The following SGSM2 variants were observed in gnomAD, a reference collection of about 807,000 sequenced individuals.
The protein encoded by SGSM2 is RUN and TBC1 domain containing 1.
SGSM2 carries 89 observed loss-of-function variants against 126.6 expected under a neutral mutation model. That is an observed-to-expected ratio of 0.70 (90% confidence interval 0.59 to 0.84). The LOEUF (loss-of-function observed/expected upper bound fraction) is 0.84. Among genes scored for constraint, SGSM2 ranks in the 40% least tolerant of loss-of-function variants. SGSM2 has a pLI of 0.00. For missense variants in SGSM2, 1,404 were observed against 1,416.6 expected, an observed-to-expected ratio of 0.99 and a Z score of 0.14; for synonymous variants, 614 against 574.3, an observed-to-expected ratio of 1.07 and a Z score of -0.99.
At position 2,372,098 on chromosome 17, in the gene SGSM2, C is replaced by A; in HGVS notation, c.1578-92C>A. The A allele has an allele frequency of 1.4e-6, 2 of 1,475,782 alleles. No homozygotes were observed. Among genetic ancestry groups the A allele is most frequent in the Non-Finnish European group, 1.9e-6 (2 of 1,065,710 alleles). The allele number at this position is 1,475,782 out of a possible 1,614,324, so 91.4% of individuals were successfully genotyped here. A position where few individuals can be genotyped will look rare whatever the true frequency, so the allele number is the denominator to read the frequency against. On this transcript the variant is annotated intron_variant, in intron 13 of 23. Coordinates refer to ENST00000268989, the MANE Select transcript of SGSM2 (RefSeq NM_014853.3). This position sits in a 1 kb window ranked among gnomAD's most constrained non-coding sequence, Gnocchi z 6.0. The stretch of plus-strand genomic sequence containing the variant: ...TCCTCGCACCCTCCCCAGTGCCTTA[C>A]CTGCCCCCCAGGACAGAGCCTCCTC...
In SGSM2 at chr17:2,376,758, G is replaced by A; in HGVS notation, c.2635G>A (p.Gly879Ser). The A allele has an allele frequency of 6.2e-7, 1 of 1,614,060 alleles. No individual in the cohort carries two copies. The highest frequency in any genetic ancestry group is 1.1e-5 in the South Asian group (1 of 91,088). Residue 879 changes from glycine (G) to serine (S), a missense_variant, in exon 20 of 24, where the codon GGC becomes AGC. Coordinates refer to ENST00000268989, the MANE Select transcript of SGSM2 (RefSeq NM_014853.3). ...CTACGTGTGGGAGCACCTGGACGTG[G>A]GCTATGTGCAGGGCATGTGCGATCT... is the stretch of plus-strand genomic sequence containing the variant. ...CSYVWEHLDV[G>S]YVQGMCDLLA...
At chr17:2,379,274 C>A in intron 23 of SGSM2, 71 bp downstream of exon 23, 1 of 1,581,854 alleles carries the variant, frequency 6.3e-7, no homozygotes, top group African/African-American at 1.3e-5. Flanking sequence ...GCCCCGCACA[C>A]AGCTGGAGGG....
At chr17:2,365,117 C>T in intron 10 of SGSM2, 60 bp downstream of exon 10, 2 of 1,598,452 alleles carry the variant, frequency 1.3e-6, no homozygotes, top group Non-Finnish European at 1.7e-6. Flanking sequence ...GCCCGCCTCC[C>T]TTCCTTCCCC....
chr17:2,375,865 C>T lies in SGSM2; in HGVS notation c.2474C>T (p.Ala825Val). The T allele has an allele frequency of 6.6e-7, 1 of 1,516,610 alleles. No homozygotes were observed. Among genetic ancestry groups the T allele is most frequent in the Non-Finnish European group, 8.8e-7 (1 of 1,139,440 alleles). The allele number at this position is 1,516,610 out of a possible 1,614,324, so 93.9% of individuals were successfully genotyped here. A position where few individuals can be genotyped will look rare whatever the true frequency, so the allele number is the denominator to read the frequency against. The change falls in exon 18 of 24, where the codon GCT becomes GTT. Residue 825 changes from alanine (A) to valine (V), a missense_variant. Ala to Val is a moderately conservative substitution (Grantham distance 64). Transcript: ENST00000268989. ...AGEELAAVCA[A>V]AYTIELLDTV... Reference sequence around the variant, plus strand: ...GAGGAGCTTGCGGCTGTGTGTGCGGCTGCCTACACTGTGCGTACATGCTCC... The same window carrying T: ...GAGGAGCTTGCGGCTGTGTGTGCGGTTGCCTACACTGTGCGTACATGCTCC...
In SGSM2 at chr17:2,367,133, TC is replaced by T; in HGVS notation, c.1289-134del. 1.0e-6 allele frequency: 1 copy of T among 976,264 alleles called. No homozygotes were observed. Among genetic ancestry groups the T allele is most frequent in the Non-Finnish European group, 1.5e-6 (1 of 683,618 alleles). The allele number at this position is 976,264 out of a possible 1,614,324, so 60.5% of individuals were successfully genotyped here. On this transcript the variant is annotated intron_variant, in intron 11 of 23. Transcript: ENST00000268989. The surrounding 1 kb of genome is among the most constrained non-coding windows in gnomAD (Gnocchi z 4.0). ...GAAAATCATCCAAAGAGCTTTCTGG[TC>T]CCCTCCCTTCCCCTCTTCTGTGCCC...
Position 2,363,427 on chromosome 17 carries a change from TC to T in SGSM2, c.673-35del. On this transcript the variant is annotated intron_variant, in intron 6 of 23. Coordinates refer to ENST00000268989, the MANE Select transcript of SGSM2 (RefSeq NM_014853.3). The surrounding 1 kb of genome is among the most constrained non-coding windows in gnomAD (Gnocchi z 4.2). ...GGGTTCCCAAGCCTTGAGGCCAGTT[TC>T]CCAAGGCTGGAGGCTGAGCCCCGGC... The T allele has an allele frequency of 6.2e-7, 1 of 1,610,618 alleles. No homozygotes were observed.
At chr17:2,343,275 C>G (rs150162049) in intron 1 of SGSM2, among the ~76,000 whole-genome samples, 2 of 152,196 alleles carry the variant, frequency 1.3e-5, no homozygotes, top group South Asian at 2.1e-4. Flanking sequence ...TATTCCTGTT[C>G]TCCAAGGCAG....
intron 1 of SGSM2, among the ~76,000 whole-genome samples, chr17:2,340,782 C>T (rs986999563): frequency 6.6e-5 from 10 of 152,096 alleles, no homozygotes; most frequent in Non-Finnish European, 1.0e-4. Flanking sequence ...GACGGGGTTT[C>T]ACCATGTTAG....
intron 2 of SGSM2, among the ~76,000 whole-genome samples, chr17:2,347,950 C>T: frequency 6.6e-6 from 1 of 152,174 alleles, no homozygotes; most frequent in Admixed American, 6.5e-5. Context: ...TTGGGGCAGA[C>T]ACCAGCCTGC....
chr17:2,377,910 C>T lies in SGSM2; in HGVS notation c.2856C>T (p.His952=), dbSNP rs753792614. 1 of 1,613,388 alleles carries T rather than the reference C, an allele frequency of 6.2e-7. No homozygotes were observed. Among genetic ancestry groups the T allele is most frequent in the Admixed American group, 1.7e-5 (1 of 60,022 alleles). The change falls in exon 22 of 24, where the codon CAC becomes CAT. Residue 952 remains histidine (H), a synonymous_variant. Transcript: ENST00000268989. ...ELMHQNGDYT[H]FYFCYRWFLL... is the part of the protein sequence containing the mutation. ...TGCATCAGAATGGAGACTACACCCA[C>T]TTCTACTTCTGTTATCGCTGGTTCC...
At chr17:2,352,247 G>C (rs776161403) in intron 2 of SGSM2, among the ~76,000 whole-genome samples, 4 of 152,182 alleles carry the variant, frequency 2.6e-5, no homozygotes, top group Non-Finnish European at 5.9e-5. Context: ...CACCATCCAG[G>C]GACCTGAACC....
At chr17:2,343,720 A>C in intron 2 of SGSM2, 100 bp downstream of exon 2, 2 of 996,784 alleles carry the variant, frequency 2.0e-6, no homozygotes, top group African/African-American at 3.2e-5. Flanking sequence ...TAGCTCTCAA[A>C]TCTGGCTGCA....
At position 2,372,408 on chromosome 17, in the gene SGSM2, G is replaced by A. The variant is rs761091780; in HGVS notation, c.1708G>A (p.Val570Ile). Residue 570 changes from valine (V) to isoleucine (I), a missense_variant, in exon 15 of 24, where the codon GTT (valine) becomes ATT (isoleucine). Physicochemically the swap from Val to Ile is conservative, Grantham distance 29 (BLOSUM62 3). Transcript: ENST00000268989. The surrounding 1 kb of genome is among the most constrained non-coding windows in gnomAD (Gnocchi z 6.0). Reference sequence around the variant, plus strand: ...CCTGTCGGCGCTGGTGCACCATAGCGTTATCCCACCTGACCGGCCCCCGGG... The same window carrying A: ...CCTGTCGGCGCTGGTGCACCATAGCATTATCCCACCTGACCGGCCCCCGGG... Reference protein sequence around the residue: ...THLSALVHHSVIPPDRPPGAS... With the variant: ...THLSALVHHSIIPPDRPPGAS... 14 of 1,597,654 alleles carry A rather than the reference G, an allele frequency of 8.8e-6. No homozygotes were observed. Among genetic ancestry groups the A allele is most frequent in the South Asian group, 3.4e-5 (3 of 88,978 alleles).
At position 2,337,813 on chromosome 17, in the gene SGSM2, C is replaced by G. The variant is rs546793083; in HGVS notation, c.57+68C>G. On this transcript the variant is annotated intron_variant, in intron 1 of 23. Transcript: ENST00000268989. This position sits in a 1 kb window ranked among gnomAD's most constrained non-coding sequence, Gnocchi z 5.1. ...CGCGCGGCCCAGGGGGCAGAAAGGT[C>G]CGCGCCCACCCCCCGGCGCGGGCAC... 3.5e-4 allele frequency: 434 copies of G among 1,243,904 alleles called. 1 individual carries two copies. In the African/African-American group the frequency reaches 6.4e-3, roughly 18 times the overall value. 77.1% of individuals were successfully genotyped at this position (1,243,904 alleles called of 1,614,324 possible).
intron 2 of SGSM2, among the ~76,000 whole-genome samples, chr17:2,346,277 T>G (rs2064594944): frequency 6.6e-6 from 1 of 152,166 alleles, no homozygotes; most frequent in Non-Finnish European, 1.5e-5. Context: ...CAAGGGACCC[T>G]TGTGTACTGG....
At chr17:2,348,435 T>G (rs1260077074) in intron 2 of SGSM2, among the ~76,000 whole-genome samples, 1 of 152,162 alleles carries the variant, frequency 6.6e-6, no homozygotes, top group East Asian at 1.9e-4. Context: ...AGGGAATGAA[T>G]AGCTCATTCT....
rs1054129670 is a variant in SGSM2 at position 2,337,699 on chromosome 17, C to A, written c.11C>A (p.Ala4Glu). The change falls in exon 1 of 24, where the codon GCA (alanine) becomes GAA (glutamate). Residue 4 changes from alanine to glutamate, a missense_variant. Coordinates refer to ENST00000268989, the MANE Select transcript of SGSM2 (RefSeq NM_014853.3). This position sits in a 1 kb window ranked among gnomAD's most constrained non-coding sequence, Gnocchi z 5.1. MGS[A>E]EDAVKEKLLW... ...GCCTCCTGCCACACCATGGGCAGCG[C>A]AGAGGACGCAGTCAAAGAGAAACTG... is the stretch of plus-strand genomic sequence containing the variant. 6 of 1,531,282 alleles carry A rather than the reference C, an allele frequency of 3.9e-6. No homozygotes were observed. The highest frequency in any genetic ancestry group is 5.3e-6 in the Non-Finnish European group (6 of 1,135,922). The allele number at this position is 1,531,282 out of a possible 1,614,324, so 94.9% of individuals were successfully genotyped here.
intron 2 of SGSM2, among the ~76,000 whole-genome samples, chr17:2,345,864 A>G (rs957229242): frequency 6.6e-6 from 1 of 152,100 alleles, no homozygotes; most frequent in Non-Finnish European, 1.5e-5. Flanking sequence ...CTAAATCCCA[A>G]TTTGGGCTGA....
At chr17:2,338,387 C>A (rs186816291) in intron 1 of SGSM2, among the ~76,000 whole-genome samples, 1 of 152,178 alleles carries the variant, frequency 6.6e-6, no homozygotes, top group East Asian at 1.9e-4. Context: ...AGTAGTCCTT[C>A]CCTCTACTAA....
Sources: gnomAD v4.1 joint callset for allele counts (sites outside exome capture counted in the v4.1 genomes callset) on GRCh38, gnomAD v4.1.1 for gene constraint, Gnocchi (gnomAD v3.1) non-coding constraint, MANE v1.5 for transcripts, NCBI Gene and HGNC (gene_info 2026-07-23, HGNC 2026-07-21) for gene names.